Variants in SYNE2 observed in about 807,000 individuals in gnomAD.
SYNE2 encodes spectrin repeat containing nuclear envelope protein 2.
A neutral mutation model predicts 856.3 loss-of-function variants in SYNE2; 431 were observed. The ratio of observed to expected loss-of-function variants is 0.50; its 90% confidence interval spans 0.47 to 0.55. The LOEUF is 0.55. Among genes scored for constraint, SYNE2 ranks in the 20% least tolerant of loss-of-function variants. The probability of loss-of-function intolerance (pLI) is 0.00; values close to 1 mark genes in which losing one functional copy is unlikely to be tolerated. For synonymous variants in SYNE2, 2,923 were observed against 2,872.3 expected, an observed-to-expected ratio of 1.02 and a Z score of -0.56; for missense variants, 8,129 against 8,023.2, an observed-to-expected ratio of 1.01 and a Z score of -0.50.
intron 65 of SYNE2, among the ~76,000 whole-genome samples, chr14:64,111,087 T>C (rs989565715): frequency 1.3e-5 from 2 of 151,262 alleles, no homozygotes; most frequent in African/African-American, 4.9e-5. Context: ...TGTGGAGGGC[T>C]GGGTGTGGTG....
At position 63,774,619 on chromosome 14, in the gene SYNE2, C is replaced by G. The variant is rs75153702; in HGVS notation, c.-305+12633C>G. On this transcript the variant is annotated intron_variant, in intron 1 of 23. Coordinates refer to the SYNE2 transcript ENST00000674003. ...GTGTGATCACGGCTCACTGCAGCCC[C>G]CATGTCCCAGGATCAAGCAATCCTC... 8.6e-3 allele frequency among the ~76,000 whole-genome samples: 1,313 copies of G among 151,964 alleles called. 18 individuals are homozygous for G. Among genetic ancestry groups the G allele is most frequent in the African/African-American group, 0.03 (1,240 of 41,486 alleles).
chr14:63,912,835 T>A (rs933000509), intron 2 of SYNE2, among the ~76,000 whole-genome samples: 1 of 152,252 alleles, frequency 6.6e-6, no homozygotes, highest in Admixed American at 6.5e-5. Context: ...TTGCCGAAAT[T>A]CATAGAGCAG....
In SYNE2 at chr14:63,997,000, C is replaced by T. The variant is rs1326943883; in HGVS notation, c.2994C>T (p.Val998=). Residue 998 remains valine (V), a synonymous_variant, in exon 24 of 116, where the codon GTC becomes GTT. Transcript: ENST00000555002. The part of the protein sequence containing the change: ...CLYQLNHHME[V]LRELCEELPS... ...ACCAGCTTAATCACCACATGGAAGTCCTGAGGGAGCTGTGTGAAGAGCTGC... is the reference window on the plus strand; with the variant it reads ...ACCAGCTTAATCACCACATGGAAGTTCTGAGGGAGCTGTGTGAAGAGCTGC... The T allele has an allele frequency of 6.2e-7, 1 of 1,614,060 alleles. No homozygotes were observed. The highest frequency in any genetic ancestry group is 1.7e-5 in the Admixed American group (1 of 59,994).
At chr14:64,117,599 A>T (rs1288460269) in intron 66 of SYNE2, among the ~76,000 whole-genome samples, 1 of 152,090 alleles carries the variant, frequency 6.6e-6, no homozygotes, top group Non-Finnish European at 1.5e-5. Flanking sequence ...GCTAGGCCTC[A>T]ATTTATGTTT....
In SYNE2 at chr14:63,788,214, C is replaced by T. The variant is rs187296053; in HGVS notation, c.-305+26228C>T. On this transcript the variant is annotated intron_variant, in intron 1 of 23. Transcript: ENST00000674003. ...AGGCCAGGCAGAGGGAGAAGAAACCCGCGAGCCTGCTGGGACAGGGATGAG... is the reference window on the plus strand; with the variant it reads ...AGGCCAGGCAGAGGGAGAAGAAACCTGCGAGCCTGCTGGGACAGGGATGAG... 1.1e-3 allele frequency among the ~76,000 whole-genome samples: 166 copies of T among 152,262 alleles called. 1 individual carries two copies. Among genetic ancestry groups the T allele is most frequent in the African/African-American group, 3.5e-3 (147 of 41,568 alleles).
chr14:64,107,590 C>T lies in SYNE2; in HGVS notation c.12592C>T (p.Pro4198Ser), dbSNP rs1448524579. 2 of 1,614,044 alleles carry T rather than the reference C, an allele frequency of 1.2e-6. No homozygotes were observed. Among genetic ancestry groups the T allele is most frequent in the Non-Finnish European group, 1.7e-6 (2 of 1,179,924 alleles). Residue 4198 changes from proline to serine, a missense_variant, in exon 65 of 116, where the codon CCC becomes TCC. Coordinates refer to ENST00000555002, the MANE Select transcript of SYNE2 (RefSeq NM_182914.3). The part of the protein sequence containing the change: ...TEQGPECSLR[P>S]NQTEEGTTPP... ...GCAAGGCCCAGAATGTTCCCTAAGG[C>T]CCAACCAAACAGAAGAGGTAAGTCC... is the stretch of plus-strand genomic sequence containing the variant.
Position 64,122,410 on chromosome 14 carries a change from C to A in SYNE2, c.13405C>A (p.Gln4469Lys), listed in dbSNP as rs2097904649. 1 of 1,614,100 alleles carries A rather than the reference C, an allele frequency of 6.2e-7. No homozygotes were observed. The highest frequency in any genetic ancestry group is 8.5e-7 in the Non-Finnish European group (1 of 1,180,044). ...LSSKIKLPLP[Q>K]LVEPQVSTNM... is the part of the protein sequence containing the mutation. ...ATCAAAAATAAAGCTCCCACTCCCTCAGCTTGTGGAGCCTCAGGTCAGTCT... is the reference window on the plus strand; with the variant it reads ...ATCAAAAATAAAGCTCCCACTCCCTAAGCTTGTGGAGCCTCAGGTCAGTCT... The change falls in exon 70 of 116, where the codon CAG (glutamine) becomes AAG (lysine). Residue 4469 changes from glutamine to lysine, a missense_variant. Gln to Lys is a moderately conservative substitution (Grantham distance 53, BLOSUM62 1). This residue lies in a region of SYNE2 where 5,410 missense variants were observed against 5,284.8 expected (regional missense o/e 1.02). Transcript: ENST00000555002.
At chr14:64,102,584 G>A (rs1488394668) in intron 64 of SYNE2, among the ~76,000 whole-genome samples, 2 of 141,358 alleles carry the variant, frequency 1.4e-5, no homozygotes, top group Non-Finnish European at 3.0e-5. Flanking sequence ...ATGTGTATAC[G>A]TTGGAAATGG....
chr14:63,962,447 A>G (rs991164121), intron 9 of SYNE2, among the ~76,000 whole-genome samples: 19 of 152,082 alleles, frequency 1.2e-4, no homozygotes, highest in African/African-American at 4.6e-4. Flanking sequence ...GTTCATTTCA[A>G]TGGTTGTTAG....
rs556417375 is a variant in SYNE2, at chr14:64,160,421, G to A, written c.16094+979G>A. 2.6e-5 allele frequency among the ~76,000 whole-genome samples: 4 copies of A among 152,332 alleles called. No individual in the cohort carries two copies. In the East Asian group the frequency reaches 7.7e-4, roughly 29 times the overall value. Reference sequence around the variant, plus strand: ...GTAGTTACCTCTAGATAAATGAGATGTCAAGCATTTTTTAACTTCCTCATG... The same window carrying A: ...GTAGTTACCTCTAGATAAATGAGATATCAAGCATTTTTTAACTTCCTCATG... On this transcript the variant is annotated intron_variant, in intron 87 of 115. Coordinates refer to ENST00000555002, the MANE Select transcript of SYNE2 (RefSeq NM_182914.3).
chr14:63,995,721 ATATCTATCCATCTATC>A (rs56930388), intron 23 of SYNE2, among the ~76,000 whole-genome samples: 8,470 of 136,956 alleles, frequency 0.062, 304 homozygotes, highest in Admixed American at 0.12. Context: ...ATATAATTCT[ATATCTATCCATCTATC>A]TATCTATCTA....
intron 87 of SYNE2, 129 bp downstream of exon 87, chr14:64,159,571 CTT>C: frequency 2.7e-6 from 3 of 1,096,574 alleles, no homozygotes; most frequent in Non-Finnish European, 4.0e-6. Context: ...GTTCTGGTCT[CTT>C]CTGCTTTGAT....
intron 6 of SYNE2, among the ~76,000 whole-genome samples, chr14:63,947,914 T>C (rs146289291): frequency 6.6e-6 from 1 of 152,266 alleles, no homozygotes; most frequent in African/African-American, 2.4e-5. Flanking sequence ...CGACATGAAG[T>C]CGCCCTATAT....
chr14:63,768,310 C>A (rs1164665199), intron 1 of SYNE2, among the ~76,000 whole-genome samples: 1 of 152,092 alleles, frequency 6.6e-6, no homozygotes, highest in African/African-American at 2.4e-5. Flanking sequence ...AACCACCCCA[C>A]AATTAAAGGC....
At chr14:63,930,187 G>T (rs1282240054) in intron 2 of SYNE2, among the ~76,000 whole-genome samples, 24 of 151,836 alleles carry the variant, frequency 1.6e-4, no homozygotes, top group Non-Finnish European at 4.4e-5. Flanking sequence ...TCAGGAGGCT[G>T]AGGTGGGAGG....
At chr14:64,121,200 G>A in intron 68 of SYNE2, 139 bp downstream of exon 68, 1 of 1,216,004 alleles carries the variant, frequency 8.2e-7, no homozygotes, top group Non-Finnish European at 1.2e-6. Context: ...GGCCAGCCTG[G>A]GCAACATAGC....
chr14:64,151,462 C>A (rs1049826569), intron 84 of SYNE2, among the ~76,000 whole-genome samples: 10 of 11,270 alleles, frequency 8.9e-4, no homozygotes, highest in South Asian at 2.7e-3. Context: ...GATCCTTAGG[C>A]AAAGCAATTT....
chr14:63,967,936 G>A, intron 11 of SYNE2, 90 bp downstream of exon 11: 1 of 1,307,188 alleles, frequency 7.7e-7, no homozygotes, highest in African/African-American at 1.5e-5. Context: ...ACCAAGGCGG[G>A]TGGATCACTT....
intron 16 of SYNE2, among the ~76,000 whole-genome samples, chr14:63,981,810 T>A (rs2096587749): frequency 6.6e-6 from 1 of 152,194 alleles, no homozygotes. Flanking sequence ...AAATAGAAAC[T>A]AAAATTAATA....
Sources: allele counts gnomAD v4.1 joint callset (sites outside exome capture counted in the v4.1 genomes callset), GRCh38; gene constraint gnomAD v4.1.1; regional missense constraint gnomAD v4.1.1; transcripts MANE v1.5; gene names NCBI Gene and HGNC (gene_info 2026-07-23, HGNC 2026-07-21).